Variants in SORCS2 observed in about 807,000 individuals in gnomAD.
SORCS2 encodes sortilin related VPS10 domain containing receptor 2, also known as VPS10 domain-containing receptor SorCS2.
SORCS2 carries 100 observed loss-of-function variants against 141.6 expected under a neutral mutation model. That is an observed-to-expected ratio of 0.71 (90% confidence interval 0.60 to 0.83). The LOEUF is 0.83. Among genes scored for constraint, SORCS2 ranks in the 40% least tolerant of loss-of-function variants. The pLI is 0.00. For synonymous variants in SORCS2, 789 were observed against 676.9 expected (o/e 1.17, Z -2.57); for missense variants, 1,646 against 1,560.2 (o/e 1.05, Z -0.93).
intron 19 of SORCS2, 83 bp from the exon 20 acceptor site, chr4:7,725,071 C>A: frequency 6.9e-7 from 1 of 1,449,020 alleles, no homozygotes; most frequent in Non-Finnish European, 9.3e-7. Context: ...AATGAAGTTG[C>A]TGGTGACAGT....
chr4:7,291,739 G>A (rs1358799550), intron 1 of SORCS2, among the ~76,000 whole-genome samples: 3 of 152,180 alleles, frequency 2.0e-5, no homozygotes, highest in African/African-American at 4.8e-5. Flanking sequence ...CCTGTCTTAT[G>A]TCTCATCTAT....
chr4:7,430,358 A>C (rs887970750), intron 2 of SORCS2: 1 of 127,328 alleles, frequency 7.9e-6, no homozygotes, highest in African/African-American at 2.9e-5. Flanking sequence ...GAAAAGCCCC[A>C]AGCCAAAACA....
chr4:7,490,584 G>A (rs1408918011), intron 2 of SORCS2, among the ~76,000 whole-genome samples: 5 of 152,216 alleles, frequency 3.3e-5, no homozygotes, highest in African/African-American at 1.2e-4. Context: ...AGGACCGGCA[G>A]GGGTGAGGAT....
At chr4:7,244,333 G>A (rs749716561) in intron 1 of SORCS2, among the ~76,000 whole-genome samples, 3 of 152,316 alleles carry the variant, frequency 2.0e-5, no homozygotes, top group Admixed American at 6.5e-5. Context: ...AAGTCATTCC[G>A]AAGATTCATG....
chr4:7,628,838 AC>A (rs967779815), intron 3 of SORCS2, among the ~76,000 whole-genome samples: 13 of 152,164 alleles, frequency 8.5e-5, no homozygotes, highest in African/African-American at 3.1e-4. Context: ...TGAACTGTAC[AC>A]TCGAGAAGGG....
At chr4:7,598,688 C>T (rs1717447450) in intron 3 of SORCS2, among the ~76,000 whole-genome samples, 1 of 152,210 alleles carries the variant, frequency 6.6e-6, no homozygotes, top group African/African-American at 2.4e-5. Context: ...CCAATCTTAC[C>T]TAAGCTTTCC....
chr4:7,222,417 G>A (rs1406281832), intron 1 of SORCS2, among the ~76,000 whole-genome samples: 1 of 152,202 alleles, frequency 6.6e-6, no homozygotes, highest in Non-Finnish European at 1.5e-5. Context: ...CATGTCTATG[G>A]AATGTCTAGA....
intron 1 of SORCS2, among the ~76,000 whole-genome samples, chr4:7,283,124 T>C (rs78956705): frequency 0.015 from 2,266 of 152,322 alleles, 51 homozygotes; most frequent in African/African-American, 0.051. Flanking sequence ...CTGTGGAGTA[T>C]CCACCATGTT....
In SORCS2 at chr4:7,320,806, ACTCG is replaced by A. The variant is rs1718849012; in HGVS notation, c.481-75478_481-75475del. On this transcript the variant is annotated intron_variant, in intron 1 of 26. Coordinates refer to ENST00000507866, the MANE Select transcript of SORCS2 (RefSeq NM_020777.3). ...ATGCTCCTACTCCTTTGTCATTCACACTCGCTCAGTTCATGCATTCACTTAAAGA... is the reference window on the plus strand; with the variant it reads ...ATGCTCCTACTCCTTTGTCATTCACACTCAGTTCATGCATTCACTTAAAGA... Among the ~76,000 whole-genome samples the A allele has an allele frequency of 2.0e-5, 3 of 152,004 alleles. No homozygotes were observed. In the South Asian group the frequency reaches 6.3e-4, roughly 32 times the overall value.
intron 1 of SORCS2, among the ~76,000 whole-genome samples, chr4:7,330,128 C>T (rs888832510): frequency 6.6e-6 from 1 of 151,798 alleles, no homozygotes; most frequent in Non-Finnish European, 1.5e-5. Context: ...TCCATTGCCG[C>T]CTGTCCTGGC....
chr4:7,721,482 T>C (rs1726588946), intron 18 of SORCS2, among the ~76,000 whole-genome samples: 1 of 151,954 alleles, frequency 6.6e-6, no homozygotes, highest in Non-Finnish European at 1.5e-5. Flanking sequence ...AAAATAATAG[T>C]AATACCTGCT....
In SORCS2 at chr4:7,661,504, G is replaced by C; in HGVS notation, c.892G>C (p.Val298Leu). ...GCCTCAGCTCTTCTTTTCCAGGTCT[G>C]TGTCTGGGGTGGACGCTGACCCTGA... ...RVTKDHVFWS[V>L]SGVDADPDLV... is the part of the protein sequence containing the mutation. Residue 298 changes from valine (V) to leucine (L), a missense_variant, in exon 6 of 27, where the codon GTG becomes CTG. Coordinates refer to ENST00000507866, the MANE Select transcript of SORCS2 (RefSeq NM_020777.3). 6.4e-7 allele frequency: 1 copy of C among 1,551,674 alleles called. No individual in the cohort carries two copies. Among genetic ancestry groups the C allele is most frequent in the Non-Finnish European group, 8.7e-7 (1 of 1,146,990 alleles).
chr4:7,324,950 G>T (rs539582157), intron 1 of SORCS2, among the ~76,000 whole-genome samples: 9 of 152,328 alleles, frequency 5.9e-5, no homozygotes, highest in South Asian at 2.1e-4. Context: ...TTTGACTCTG[G>T]CTCTGCTGAG....
chr4:7,680,479 G>A (rs10026744), intron 9 of SORCS2, among the ~76,000 whole-genome samples: 57,232 of 152,170 alleles, frequency 0.38, 11,063 homozygotes, highest in African/African-American at 0.41. Flanking sequence ...TCACTGAGTC[G>A]AGTGAGCAGG....
At chr4:7,345,688 T>C (rs906938954) in intron 1 of SORCS2, among the ~76,000 whole-genome samples, 13 of 152,224 alleles carry the variant, frequency 8.5e-5, no homozygotes, top group African/African-American at 2.7e-4. Flanking sequence ...CTGCTTAAAA[T>C]CTTCCAGTGA....
At chr4:7,560,105 G>T (rs1370317906) in intron 3 of SORCS2, among the ~76,000 whole-genome samples, 1 of 152,214 alleles carries the variant, frequency 6.6e-6, no homozygotes, top group African/African-American at 2.4e-5. Context: ...ATCCTCGCAG[G>T]TTAGGAGCAC....
At chr4:7,457,908 C>T (rs55860725) in intron 2 of SORCS2, among the ~76,000 whole-genome samples, 45,680 of 152,122 alleles carry the variant, frequency 0.3, 7,284 homozygotes, top group East Asian at 0.62. Context: ...GGCTGCAGGG[C>T]GGGGGTGTCC....
Position 7,433,650 on chromosome 4 carries a change from C to T in SORCS2, c.548+37295C>T, listed in dbSNP as rs6844846. The T allele has an allele frequency of 2.1e-3, 3,365 of 1,610,104 alleles. 66 individuals carry two copies. In the African/African-American group the frequency reaches 0.039, roughly 19 times the overall value. ...TGTCTCGCTTGGTGCTCTTGCTCTC[C>T]AAGTTGTGGGAGGACACCGTGAGCA... is the stretch of plus-strand genomic sequence containing the variant. On this transcript the variant is annotated intron_variant, in intron 2 of 26. Coordinates refer to ENST00000507866, the MANE Select transcript of SORCS2 (RefSeq NM_020777.3).
At chr4:7,246,007 T>A (rs555938019) in intron 1 of SORCS2, among the ~76,000 whole-genome samples, 16 of 152,318 alleles carry the variant, frequency 1.1e-4, no homozygotes, top group Admixed American at 3.3e-4. Flanking sequence ...CATTTTGCCT[T>A]GATGCCTGGT....
Sources: allele counts gnomAD v4.1 joint callset (sites outside exome capture counted in the v4.1 genomes callset), GRCh38; gene constraint gnomAD v4.1.1; transcripts MANE v1.5; gene names NCBI Gene and HGNC (gene_info 2026-07-23, HGNC 2026-07-21).